SI: variants seen among roughly 807,000 people sequenced by gnomAD.
SI encodes sucrase-isomaltase, also known as sucrase-isomaltase, intestinal.
SI carries 235 observed loss-of-function variants against 253.3 expected under a neutral mutation model. That is an observed-to-expected ratio of 0.93 (90% CI 0.83 to 1.03). SI has a LOEUF of 1.03. SI is among the 50% of genes least tolerant of loss of function. The pLI is 0.00. For synonymous variants in SI, 819 were observed against 712.0 expected, an observed-to-expected ratio of 1.15 and a Z score of -2.39; for missense variants, 2,442 against 2,211.1, an observed-to-expected ratio of 1.10 and a Z score of -2.09.
chr3:165,027,296 G>A (rs1711980905), intron 25 of SI, among the ~76,000 whole-genome samples: 1 of 151,026 alleles, frequency 6.6e-6, no homozygotes, highest in Non-Finnish European at 1.5e-5. Context: ...AACAAGAAGT[G>A]AGATTAAAAT....
Position 165,007,935 on chromosome 3 carries a change from G to T in SI, c.4243C>A (p.Leu1415Ile). 4 of 1,595,578 alleles carry T rather than the reference G, an allele frequency of 2.5e-6. No homozygotes were observed. Among genetic ancestry groups the T allele is most frequent in the Non-Finnish European group, 3.4e-6 (4 of 1,164,768 alleles). ...CCTGGGAAATAAGGTGGATAATTTA[G>T]TTCGTCATTTCTGCATTGATTAGTA... Reference protein sequence around the residue: ...TTTNQCRNDELNYPPYFPELT... With the variant: ...TTTNQCRNDEINYPPYFPELT... Residue 1415 changes from leucine (L) to isoleucine (I), a missense_variant, in exon 36 of 48, where the codon CTA (leucine) becomes ATA (isoleucine). Physicochemically the swap from Leu to Ile is conservative, Grantham distance 5 (BLOSUM62 2). Transcript: ENST00000264382.
chr3:165,011,908 G>T (rs531195536), intron 34 of SI, among the ~76,000 whole-genome samples: 1 of 151,614 alleles, frequency 6.6e-6, no homozygotes, highest in East Asian at 1.9e-4. Flanking sequence ...TTTCATGTTG[G>T]GAGCAAATAT....
chr3:165,059,907 G>A lies in SI; in HGVS notation c.1141C>T (p.Pro381Ser). The A allele has an allele frequency of 3.7e-6, 6 of 1,611,172 alleles. No homozygotes were observed. Among genetic ancestry groups the A allele is most frequent in the Non-Finnish European group, 5.1e-6 (6 of 1,177,898 alleles). ...GGACCCTTTATTCTACTTACAAATG[G>A]TATGCCAGCTTCCCGGTTTCTCCTT... ...VVRRNREAGI[P>S]FDTQVTDIDY... Residue 381 changes from proline (P) to serine (S), a missense_variant, in exon 10 of 48, where the codon CCA becomes TCA. By Grantham distance (74) the Pro-to-Ser change is moderately conservative. Coordinates refer to ENST00000264382, the MANE Select transcript of SI (RefSeq NM_001041.4).
chr3:165,020,293 T>C (rs1423190747), intron 27 of SI, among the ~76,000 whole-genome samples: 1 of 151,748 alleles, frequency 6.6e-6, no homozygotes, highest in Non-Finnish European at 1.5e-5. Flanking sequence ...AATAGCTGTG[T>C]ATGAAGAAAT....
chr3:165,049,365 A>G, intron 14 of SI, 121 bp from the exon 15 acceptor site: 1 of 694,094 alleles, frequency 1.4e-6, no homozygotes, highest in Non-Finnish European at 2.5e-6. Context: ...TTGGTTAAAA[A>G]CAATGACAAA....
Position 165,030,762 on chromosome 3 carries a change from C to A in SI, c.2842G>T (p.Asp948Tyr), listed in dbSNP as rs1409978124. 2 of 1,608,498 alleles carry A rather than the reference C, an allele frequency of 1.2e-6. No homozygotes were observed. Among genetic ancestry groups the A allele is most frequent in the Admixed American group, 1.7e-5 (1 of 59,418 alleles). ...GTGCACTTTTGTTCAGTTGCCAAATCTGCATCTGGATAACAATTAAATCTT... is the reference window on the plus strand; with the variant it reads ...GTGCACTTTTGTTCAGTTGCCAAATATGCATCTGGATAACAATTAAATCTT... Reference protein sequence around the residue: ...NERFNCYPDADLATEQKCTQR... With the variant: ...NERFNCYPDAYLATEQKCTQR... Residue 948 changes from aspartate (D) to tyrosine (Y), a missense_variant, in exon 25 of 48, where the codon GAT becomes TAT. Coordinates refer to ENST00000264382, the MANE Select transcript of SI (RefSeq NM_001041.4).
chr3:165,042,609 G>C (rs2108221787), intron 17 of SI, among the ~76,000 whole-genome samples: 1 of 152,044 alleles, frequency 6.6e-6, no homozygotes, highest in African/African-American at 2.4e-5. Context: ...AAAGACGCTG[G>C]ACTCTAATTG....
rs750398639 is a variant in SI at position 165,017,765 on chromosome 3, T to C, written c.3629A>G (p.His1210Arg). The C allele has an allele frequency of 1.2e-6, 2 of 1,610,466 alleles. No homozygotes were observed. The highest frequency in any genetic ancestry group is 8.5e-7 in the Non-Finnish European group (1 of 1,177,186). Residue 1210 changes from histidine (H) to arginine (R), a missense_variant, in exon 30 of 48, where the codon CAT becomes CGT. Transcript: ENST00000264382. ...AAAAGAAATATGCAATCATACTTCA[T>C]GGTATTGCTTTGTTGCAACTTCTGG... ...PTPEVATKQY[H>R]EVIGHPVMPA...
At chr3:164,992,935 GTTTGT>G (rs1182610318) in intron 41 of SI, among the ~76,000 whole-genome samples, 2 of 149,814 alleles carry the variant, frequency 1.3e-5, no homozygotes, top group Non-Finnish European at 3.0e-5. Flanking sequence ...TTTTTTTTTT[GTTTGT>G]TTTGTTTTGT....
rs1576864805 is a variant in SI at position 164,983,140 on chromosome 3, T to C, written c.5198-89A>G. 40 of 1,261,610 alleles carry C rather than the reference T, an allele frequency of 3.2e-5. 1 individual carries two copies. The South Asian group carries it at 5.0e-4, about 16-fold the overall frequency. 78.2% of individuals were successfully genotyped at this position (1,261,610 alleles called of 1,614,324 possible). On this transcript the variant is annotated intron_variant, in intron 45 of 47. Transcript: ENST00000264382. ...TGTATACTTTGCTTCTCTTTCCCAG[T>C]ATAAAAAGTAGCAAATATTATCAAG...
upstream of SI, among the ~76,000 whole-genome samples, chr3:165,079,779 A>C (rs141322948): frequency 4.7e-3 from 716 of 151,946 alleles, 9 homozygotes; most frequent in African/African-American, 0.017. Flanking sequence ...TTGGAAACTG[A>C]AACTACAATA....
chr3:165,038,557 C>CAA (rs11380597), intron 20 of SI, among the ~76,000 whole-genome samples: 326 of 144,428 alleles, frequency 2.3e-3, no homozygotes, highest in East Asian at 6.3e-3. Context: ...AAAAAAAATT[C>CAA]AAAAAAAAAA....
chr3:165,039,532 C>A (rs1042613065), intron 19 of SI, among the ~76,000 whole-genome samples: 1 of 152,010 alleles, frequency 6.6e-6, no homozygotes, highest in East Asian at 1.9e-4. Context: ...AGCGAGTTTT[C>A]CAGTTCCTCT....
chr3:165,059,548 A>G (rs1337274039), intron 10 of SI, among the ~76,000 whole-genome samples: 1 of 152,002 alleles, frequency 6.6e-6, no homozygotes, highest in African/African-American at 2.4e-5. Context: ...TTGTTTTTAT[A>G]TACGTGGATT....
chr3:165,074,550 G>T lies in SI; in HGVS notation c.236C>A (p.Pro79Gln). The T allele has an allele frequency of 6.2e-7, 1 of 1,607,514 alleles. No individual in the cohort carries two copies. The highest frequency in any genetic ancestry group is 8.5e-7 in the Non-Finnish European group (1 of 1,175,978). ...DPVNVRINCI[P>Q]EQFPTEGICA... is the part of the protein sequence containing the mutation. ...GCAGACCTCTGTTGGGAATTGTTCT[G>T]GAATGCAGTTTATTCTCACATTGAC... Residue 79 changes from proline (P) to glutamine (Q), a missense_variant, in exon 3 of 48, where the codon CCA becomes CAA. Coordinates refer to ENST00000264382, the MANE Select transcript of SI (RefSeq NM_001041.4).
intron 41 of SI, among the ~76,000 whole-genome samples, chr3:164,993,255 G>A (rs1717856908): frequency 6.6e-6 from 1 of 151,640 alleles, no homozygotes; most frequent in South Asian, 2.1e-4. Context: ...TAACAAAAAG[G>A]GGTAAAGTCT....
chr3:165,034,297 A>G (rs1458804859), intron 22 of SI, among the ~76,000 whole-genome samples: 2 of 151,948 alleles, frequency 1.3e-5, no homozygotes, highest in African/African-American at 4.8e-5. Flanking sequence ...TATATTATTC[A>G]TATTCTTAAC....
intron 45 of SI, among the ~76,000 whole-genome samples, chr3:164,984,547 T>C (rs548284406): frequency 1.5e-4 from 23 of 152,042 alleles, no homozygotes; most frequent in Admixed American, 5.9e-4. Context: ...AAGATATGGG[T>C]AGCTTTGTTG....
At chr3:165,025,333 G>A (rs1012899839) in intron 25 of SI, among the ~76,000 whole-genome samples, 2 of 151,048 alleles carry the variant, frequency 1.3e-5, no homozygotes, top group Admixed American at 1.3e-4. Context: ...AACACAGCCT[G>A]CAAGAAGTCT....
Sources: gnomAD v4.1 joint callset for allele counts (sites outside exome capture counted in the v4.1 genomes callset) on GRCh38, gnomAD v4.1.1 for gene constraint, MANE v1.5 for transcripts, NCBI Gene and HGNC (gene_info 2026-07-23, HGNC 2026-07-21) for gene names.